The following ZFPM1 variants were observed in gnomAD, a reference collection of about 807,000 sequenced individuals.
The protein encoded by ZFPM1 is zinc finger protein, FOG family member 1.
In ZFPM1, 28 loss-of-function variants were observed where a neutral mutation model predicts 46.3. The observed-to-expected ratio is 0.60, with a 90% CI of 0.45 to 0.83. The LOEUF is 0.83. Among genes scored for constraint, ZFPM1 ranks in the 40% least tolerant of loss-of-function variants. The pLI is 0.00. For synonymous variants in ZFPM1, 957 were observed against 675.9 expected (o/e 1.42, Z -6.45); for missense variants, 1,878 against 1,432.4 (o/e 1.31, Z -5.02).
intron 4 of ZFPM1, among the ~76,000 whole-genome samples, chr16:88,517,986 G>A (rs917019914): frequency 2.6e-5 from 4 of 152,074 alleles, no homozygotes; most frequent in South Asian, 2.1e-4. Context: ...CGAGGTGGGC[G>A]GATCATGAAG....
At chr16:88,528,268 G>T (rs200840151) in intron 6 of ZFPM1, 30 bp downstream of exon 6, 1 of 1,560,982 alleles carries the variant, frequency 6.4e-7, no homozygotes, top group South Asian at 1.2e-5. Context: ...CACCCAGGGC[G>T]GCTGCTCCAC....
At chr16:88,496,693 G>A (rs1909949708) in intron 3 of ZFPM1, among the ~76,000 whole-genome samples, 2 of 152,080 alleles carry the variant, frequency 1.3e-5, no homozygotes, top group Non-Finnish European at 2.9e-5. Context: ...TGGGGACGGG[G>A]ACCCTCACCC....
intron 3 of ZFPM1, among the ~76,000 whole-genome samples, chr16:88,494,266 C>T (rs1193168252): frequency 2.0e-5 from 3 of 152,238 alleles, no homozygotes; most frequent in Middle Eastern, 3.4e-3. Flanking sequence ...GAGCAGGGGC[C>T]GGGAGCAGCC....
At chr16:88,521,002 G>A (rs1911835493) in intron 4 of ZFPM1, among the ~76,000 whole-genome samples, 1 of 127,998 alleles carries the variant, frequency 7.8e-6, no homozygotes, top group African/African-American at 3.0e-5. Flanking sequence ...GAGGGTGGGT[G>A]GGTGGATGGA....
At chr16:88,493,455 G>T (rs1490878780) in intron 3 of ZFPM1, among the ~76,000 whole-genome samples, 2 of 146,594 alleles carry the variant, frequency 1.4e-5, no homozygotes, top group Non-Finnish European at 3.0e-5. Flanking sequence ...AGCTGTCCCG[G>T]GCTGCGGGGA....
At chr16:88,514,079 G>A (rs565311022) in intron 3 of ZFPM1, among the ~76,000 whole-genome samples, 68 of 152,216 alleles carry the variant, frequency 4.5e-4, no homozygotes, top group African/African-American at 1.6e-3. Flanking sequence ...TGCACTGTGC[G>A]GCCGGGCTCT....
intron 3 of ZFPM1, among the ~76,000 whole-genome samples, chr16:88,503,887 A>G (rs988379462): frequency 2.0e-5 from 3 of 151,742 alleles, no homozygotes; most frequent in African/African-American, 7.3e-5. Context: ...ACGAGCCTGA[A>G]GGGTCAGTGA....
At chr16:88,517,351 T>G (rs1304683521) in intron 4 of ZFPM1, among the ~76,000 whole-genome samples, 3 of 137,192 alleles carry the variant, frequency 2.2e-5, no homozygotes, top group African/African-American at 8.8e-5. Flanking sequence ...GGTGGATGGA[T>G]GGGTGGGTGG....
At position 88,528,229 on chromosome 16, in the gene ZFPM1, G is replaced by A; in HGVS notation, c.703G>A (p.Val235Met). 1.2e-6 allele frequency: 2 copies of A among 1,607,038 alleles called. No homozygotes were observed. The highest frequency in any genetic ancestry group is 1.7e-6 in the Non-Finnish European group (2 of 1,177,300). Residue 235 changes from valine to methionine, a missense_variant, in exon 6 of 10, where the codon GTG becomes ATG. Physicochemically the swap from Val to Met is conservative, Grantham distance 21. Coordinates refer to ENST00000319555, the MANE Select transcript of ZFPM1 (RefSeq NM_153813.3). ...AGMASILATA[V>M]INKDVFPCKD... ...GATGGCCTCCATCCTTGCCACCGCA[G>A]TGATCAACAGTAAGTGCTGGGCTCT... is the stretch of plus-strand genomic sequence containing the variant.
chr16:88,502,119 CCTT>C (rs1291876744), intron 3 of ZFPM1, among the ~76,000 whole-genome samples: 13 of 140,636 alleles, frequency 9.2e-5, no homozygotes, highest in East Asian at 4.2e-4. Flanking sequence ...TATCTCTCCT[CCTT>C]CTCTGCGTGT....
chr16:88,500,988 C>A lies in ZFPM1; in HGVS notation c.268+11835C>A, dbSNP rs537104617. Among the ~76,000 whole-genome samples, 6 of 152,316 alleles carry A rather than the reference C, an allele frequency of 3.9e-5. No homozygotes were observed. In the East Asian group the frequency reaches 9.7e-4, roughly 25 times the overall value. On this transcript the variant is annotated intron_variant, in intron 3 of 9. Coordinates refer to ENST00000319555, the MANE Select transcript of ZFPM1 (RefSeq NM_153813.3). Reference sequence around the variant, plus strand: ...ATGTCAGGGTCTCTAAGGCTGGCCCCTCCCCACACTGGCCTGACTTCTCCA... The same window carrying A: ...ATGTCAGGGTCTCTAAGGCTGGCCCATCCCCACACTGGCCTGACTTCTCCA...
chr16:88,507,229 A>G (rs1910712465), intron 3 of ZFPM1, among the ~76,000 whole-genome samples: 1 of 152,068 alleles, frequency 6.6e-6, no homozygotes, highest in South Asian at 2.1e-4. Flanking sequence ...CCAGCTTCTC[A>G]GGCCTTGCTT....
chr16:88,531,872 T>C, intron 6 of ZFPM1, 130 bp from the exon 7 acceptor site: 1 of 847,838 alleles, frequency 1.2e-6, no homozygotes, highest in South Asian at 1.7e-5. Context: ...CAGGAAGGGG[T>C]CAAAGCCTCA....
In ZFPM1 at chr16:88,495,723, G is replaced by C. The variant is rs533743385; in HGVS notation, c.268+6570G>C. 2.6e-5 allele frequency among the ~76,000 whole-genome samples: 4 copies of C among 152,334 alleles called. No homozygotes were observed. The East Asian group carries it at 7.7e-4, about 29-fold the overall frequency. ...ACTCTGTGTGTGTGAAGTAACATGAGGGAAGCCGGGGCTCTATGGCCCCGG... is the reference window on the plus strand; with the variant it reads ...ACTCTGTGTGTGTGAAGTAACATGACGGAAGCCGGGGCTCTATGGCCCCGG... On this transcript the variant is annotated intron_variant, in intron 3 of 9. Transcript: ENST00000319555.
Position 88,526,927 on chromosome 16 carries a change from C to A in ZFPM1, c.505+11C>A. ...AGATCCACAGGAAGGGTCAGTATGA[C>A]GCGGCACCTCCGTCCCAAGCCTTCC... On this transcript the variant is annotated intron_variant, in intron 5 of 9. Coordinates refer to ENST00000319555, the MANE Select transcript of ZFPM1 (RefSeq NM_153813.3). The A allele has an allele frequency of 6.4e-7, 1 of 1,558,520 alleles. No homozygotes were observed. The highest frequency in any genetic ancestry group is 1.2e-5 in the South Asian group (1 of 84,558).
upstream of ZFPM1, among the ~76,000 whole-genome samples, chr16:88,452,526 C>T (rs766520395): frequency 2.6e-5 from 4 of 152,252 alleles, no homozygotes; most frequent in African/African-American, 7.2e-5. Flanking sequence ...AGGGGAAGAC[C>T]CGAGATCCTG....
intron 3 of ZFPM1, among the ~76,000 whole-genome samples, chr16:88,513,991 T>C (rs977984719): frequency 6.6e-6 from 1 of 152,238 alleles, no homozygotes; most frequent in Non-Finnish European, 1.5e-5. Context: ...TTTCCAAATA[T>C]CAGCACGTTC....
intron 3 of ZFPM1, among the ~76,000 whole-genome samples, chr16:88,510,168 A>C (rs1308041058): frequency 3.9e-5 from 6 of 152,134 alleles, no homozygotes; most frequent in African/African-American, 1.4e-4. Flanking sequence ...CCCCTTCTCC[A>C]TATGGGTAAA....
At chr16:88,459,304 C>T (rs1164269797) in intron 1 of ZFPM1, among the ~76,000 whole-genome samples, 1 of 152,172 alleles carries the variant, frequency 6.6e-6, no homozygotes, top group East Asian at 1.9e-4. Flanking sequence ...AGATAAATGA[C>T]CAGAGGGACG....
Sources: allele counts gnomAD v4.1 joint callset (sites outside exome capture counted in the v4.1 genomes callset), GRCh38; gene constraint gnomAD v4.1.1; transcripts MANE v1.5; gene names NCBI Gene and HGNC (gene_info 2026-07-23, HGNC 2026-07-21).